LRP2: variants seen among roughly 807,000 people sequenced by gnomAD.
LRP2 encodes LDL receptor related protein 2.
Under a neutral mutation model 531.0 loss-of-function variants are expected in LRP2, and 172 were observed. The observed-to-expected ratio is 0.32, with a 90% CI of 0.29 to 0.37. The LOEUF (loss-of-function observed/expected upper bound fraction) is 0.37. LRP2 is among the 10% of genes least tolerant of loss of function. LRP2 has a pLI of 1.00. For synonymous variants in LRP2, 1,992 were observed against 2,027.6 expected, an observed-to-expected ratio of 0.98 and a Z score of 0.47; for missense variants, 5,167 against 5,868.3, an observed-to-expected ratio of 0.88 and a Z score of 3.90.
At chr2:169,169,391 T>C (rs1262544758) in intron 60 of LRP2, among the ~76,000 whole-genome samples, 1 of 152,270 alleles carries the variant, frequency 6.6e-6, no homozygotes, top group East Asian at 1.9e-4. Context: ...GTTGCTTGAA[T>C]ATTTTTTTAC....
intron 50 of LRP2, among the ~76,000 whole-genome samples, chr2:169,184,419 A>G (rs530851543): frequency 6.6e-5 from 10 of 152,316 alleles, no homozygotes; most frequent in African/African-American, 2.2e-4. Flanking sequence ...TTTACCCTTA[A>G]GGGAGTCAAA....
Position 169,241,356 on chromosome 2 carries a change from G to T in LRP2, c.3677C>A (p.Pro1226His). 6.2e-7 allele frequency: 1 copy of T among 1,614,122 alleles called. No homozygotes were observed. The highest frequency in any genetic ancestry group is 8.5e-7 in the Non-Finnish European group (1 of 1,180,014). The change falls in exon 25 of 79, where the codon CCT becomes CAT. Residue 1226 changes from proline (P) to histidine (H), a missense_variant. This residue lies in a region of LRP2 where 2,811 missense variants were observed against 3,058.0 expected (regional missense o/e 0.92). Coordinates refer to ENST00000649046, the MANE Select transcript of LRP2 (RefSeq NM_004525.3). ...TTCATCTGAGTGGCACATACCAGGA[G>T]GCCTGGTTGCTAGAAGGAAAACATG... ...NSDEAGCPTR[P>H]PGMCHSDEFQ...
chr2:169,220,359 A>C, intron 34 of LRP2, 95 bp downstream of exon 34: 3 of 876,376 alleles, frequency 3.4e-6, no homozygotes, highest in Non-Finnish European at 5.8e-6. Flanking sequence ...TGAAATCAGA[A>C]GATGTCCTAA....
chr2:169,324,835 G>A (rs57563618), intron 1 of LRP2, among the ~76,000 whole-genome samples: 5,630 of 152,128 alleles, frequency 0.037, 345 homozygotes, highest in African/African-American at 0.13. Flanking sequence ...TACAGCCTCT[G>A]GCACAGCACC....
Position 169,136,759 on chromosome 2 carries a change from T to G in LRP2, c.13620+633A>C, listed in dbSNP as rs540687366. Among the ~76,000 whole-genome samples the G allele has an allele frequency of 1.5e-3, 223 of 152,042 alleles. 1 individual carries two copies. Among genetic ancestry groups the G allele is most frequent in the African/African-American group, 5.1e-3 (211 of 41,482 alleles). The stretch of plus-strand genomic sequence containing the variant: ...CCCTTCGCTGACTCTCTTTTCGGAC[T>G]CAGCCCGCCTGCACCCAGGTGAAAT... On this transcript the variant is annotated intron_variant, in intron 76 of 78. Transcript: ENST00000649046.
In LRP2 at chr2:169,139,327, C is replaced by T; in HGVS notation, c.13312G>A (p.Gly4438Arg). 6.2e-7 allele frequency: 1 copy of T among 1,614,118 alleles called. No individual in the cohort carries two copies. The highest frequency in any genetic ancestry group is 8.5e-7 in the Non-Finnish European group (1 of 1,180,014). ...LLTILLIVVI[G>R]ALAIAGFFHY... is the part of the protein sequence containing the mutation. Reference sequence around the variant, plus strand: ...AAGAATCCTGCAATTGCCAGAGCTCCAATTACGACGATCAAGAGGATTGTC... The same window carrying T: ...AAGAATCCTGCAATTGCCAGAGCTCTAATTACGACGATCAAGAGGATTGTC... Residue 4438 changes from glycine to arginine, a missense_variant, in exon 74 of 79, where the codon GGA (glycine) becomes AGA (arginine). Around this residue, in one of 6 missense-constraint regions of LRP2, gnomAD observed 348 missense variants for 369.3 expected, o/e 0.94. Transcript: ENST00000649046.
intron 15 of LRP2, among the ~76,000 whole-genome samples, chr2:169,271,403 A>G (rs1574206168): frequency 6.6e-6 from 1 of 152,038 alleles, no homozygotes; most frequent in African/African-American, 2.4e-5. Context: ...AATAGGAGAT[A>G]CATCTAATGT....
Position 169,182,268 on chromosome 2 carries a change from G to A in LRP2, c.9897C>T (p.Leu3299=). The part of the protein sequence containing the change: ...ARLDGLFVSD[L]NGGHRRMLAQ... ...CCAGCATGCGGCGGTGTCCACCATT[G>A]AGGTCAGAGACAAAGAGGCCATCCA... Residue 3299 remains leucine (L), a synonymous_variant, in exon 51 of 79, where the codon CTC becomes CTT. Coordinates refer to ENST00000649046, the MANE Select transcript of LRP2 (RefSeq NM_004525.3). 6.2e-7 allele frequency: 1 copy of A among 1,614,082 alleles called. No individual in the cohort carries two copies. Among genetic ancestry groups the A allele is most frequent in the African/African-American group, 1.3e-5 (1 of 75,054 alleles).
rs2241190 is a variant in LRP2, at chr2:169,259,078, T to C, written c.2460A>G (p.Thr820=). ...GTGGGTTATTTAAATACTGAACTAC[T>C]GTGCGTCTCGTTTTATCAGCTAGCC... The part of the protein sequence containing the change: ...VMRLADKTRR[T]VVQYLNNPRS... Residue 820 remains threonine, a synonymous_variant, in exon 17 of 79, where the codon ACA becomes ACG. Transcript: ENST00000649046. The C allele has an allele frequency of 0.5, 801,868 of 1,612,380 alleles. 206,412 individuals are homozygous for C. The highest frequency in any genetic ancestry group is 0.75 in the South Asian group (68,001 of 91,040).
At chr2:169,242,861 C>G (rs1689858060) in intron 24 of LRP2, 95 bp downstream of exon 24, 1 of 923,794 alleles carries the variant, frequency 1.1e-6, no homozygotes, top group South Asian at 1.3e-5. Flanking sequence ...CCCAGTTTGT[C>G]TGAGTTAGGG....
At chr2:169,260,404 G>A (rs997537850) in intron 16 of LRP2, among the ~76,000 whole-genome samples, 16 of 152,004 alleles carry the variant, frequency 1.1e-4, no homozygotes, top group African/African-American at 3.6e-4. Flanking sequence ...TAATGATAGA[G>A]GCTAAAAGAG....
intron 4 of LRP2, among the ~76,000 whole-genome samples, chr2:169,301,918 C>G (rs1264621655): frequency 6.6e-6 from 1 of 152,124 alleles, no homozygotes; most frequent in Non-Finnish European, 1.5e-5. Flanking sequence ...CTCCCTAATC[C>G]TTTTGAATAT....
Position 169,142,741 on chromosome 2 carries a change from T to C in LRP2, c.13041A>G (p.Gly4347=). The C allele has an allele frequency of 6.2e-7, 1 of 1,614,076 alleles. No homozygotes were observed. The highest frequency in any genetic ancestry group is 8.5e-7 in the Non-Finnish European group (1 of 1,179,962). ...CTTGGGGACAGGCACAGCTGTATCCTCCAGGTCTCAGAAGGCAGAGGTGGC... is the reference window on the plus strand; with the variant it reads ...CTTGGGGACAGGCACAGCTGTATCCCCCAGGTCTCAGAAGGCAGAGGTGGC... ...ICSHLCLLRP[G]GYSCACPQGS... is the part of the protein sequence containing the mutation. The change falls in exon 71 of 79, where the codon GGA becomes GGG. Residue 4347 remains glycine (G), a synonymous_variant. Coordinates refer to ENST00000649046, the MANE Select transcript of LRP2 (RefSeq NM_004525.3).
chr2:169,209,910 T>C (rs1468913547), intron 37 of LRP2, among the ~76,000 whole-genome samples: 3 of 152,112 alleles, frequency 2.0e-5, no homozygotes, highest in African/African-American at 7.2e-5. Flanking sequence ...CATCTTATTG[T>C]ACCAAGAAAC....
At chr2:169,281,125 T>TA (rs568362653) in intron 10 of LRP2, among the ~76,000 whole-genome samples, 188 of 152,178 alleles carry the variant, frequency 1.2e-3, no homozygotes, top group African/African-American at 3.3e-3. Context: ...TATGCCATTA[T>TA]AAAAAAATAA....
chr2:169,233,745 T>C (rs995665491), intron 29 of LRP2, among the ~76,000 whole-genome samples, 157 bp from the exon 30 acceptor site: 2 of 152,268 alleles, frequency 1.3e-5, no homozygotes, highest in Admixed American at 1.3e-4. Flanking sequence ...CGGCAAAAAA[T>C]ACACAATTCG....
intron 13 of LRP2, among the ~76,000 whole-genome samples, chr2:169,276,600 A>G (rs188957102): frequency 6.6e-6 from 1 of 152,292 alleles, no homozygotes; most frequent in Non-Finnish European, 1.5e-5. Context: ...AACCAAGCAG[A>G]GATTGTCCCA....
chr2:169,286,135 T>C (rs1220356397), intron 9 of LRP2, among the ~76,000 whole-genome samples: 1 of 152,204 alleles, frequency 6.6e-6, no homozygotes, highest in Non-Finnish European at 1.5e-5. Flanking sequence ...CAGTCTTCTT[T>C]GAAACAAATG....
intron 3 of LRP2, among the ~76,000 whole-genome samples, chr2:169,309,983 C>A (rs1684546452): frequency 6.6e-6 from 1 of 152,120 alleles, no homozygotes; most frequent in South Asian, 2.1e-4. Context: ...CTCTTTGAAG[C>A]AATTGTGAAT....
Sources: gnomAD v4.1 joint callset for allele counts (sites outside exome capture counted in the v4.1 genomes callset) on GRCh38, gnomAD v4.1.1 for gene constraint, gnomAD v4.1.1 regional missense constraint, MANE v1.5 for transcripts, NCBI Gene and HGNC (gene_info 2026-07-23, HGNC 2026-07-21) for gene names.